The following AFF3 variants were observed in gnomAD, a reference collection of about 807,000 sequenced individuals.
AFF3 encodes the protein AF4/FMR2 family member 3.
In AFF3, 32 loss-of-function variants were observed where a neutral mutation model predicts 129.7. That is an observed-to-expected ratio of 0.25 (90% confidence interval 0.19 to 0.33). The LOEUF is 0.33. Ranked by LOEUF, AFF3 falls within the 10% of genes least tolerant of loss-of-function variation. The pLI is 1.00. For missense variants in AFF3, 1,373 were observed against 1,592.0 expected (o/e 0.86, Z 2.34); for synonymous variants, 644 against 635.4 (o/e 1.01, Z -0.20).
intron 7 of AFF3, among the ~76,000 whole-genome samples, chr2:99,841,586 C>T (rs148720730): frequency 1.3e-5 from 2 of 152,300 alleles, no homozygotes; most frequent in Non-Finnish European, 1.5e-5. Context: ...AAGAAGAGTA[C>T]CACATTGGTT....
chr2:99,865,518 G>A (rs988779776), intron 7 of AFF3, among the ~76,000 whole-genome samples: 1 of 152,154 alleles, frequency 6.6e-6, no homozygotes, highest in African/African-American at 2.4e-5. Flanking sequence ...GACCAACCCA[G>A]CAAAATGAAA....
At chr2:99,774,940 G>A (rs550346341) in intron 8 of AFF3, among the ~76,000 whole-genome samples, 16 of 152,188 alleles carry the variant, frequency 1.1e-4, no homozygotes, top group Admixed American at 2.0e-4. Context: ...CAAAGGACAT[G>A]AACAGACACT....
rs1685277569 is a variant in AFF3 at position 99,651,730 on chromosome 2, C to T, written c.1144-2064G>A. On this transcript the variant is annotated intron_variant, in intron 12 of 24. Coordinates refer to ENST00000672756, the MANE Select transcript of AFF3 (RefSeq NM_001386135.1). ...GTGTTGGGATTACAGGTGTGAGCCA[C>T]CACGCCTGGCCTATGTTTACTGTTG... 2.6e-5 allele frequency among the ~76,000 whole-genome samples: 4 copies of T among 152,088 alleles called. No homozygotes were observed. The South Asian group carries it at 6.2e-4, about 24-fold the overall frequency.
At chr2:99,602,353 T>C (rs1054794975) in intron 13 of AFF3, among the ~76,000 whole-genome samples, 4 of 152,236 alleles carry the variant, frequency 2.6e-5, no homozygotes, top group African/African-American at 7.2e-5. Context: ...CTGTGACTTA[T>C]AGGAACTGCA....
At chr2:99,862,752 A>G (rs2105921050) in intron 7 of AFF3, among the ~76,000 whole-genome samples, 1 of 152,382 alleles carries the variant, frequency 6.6e-6, no homozygotes, top group Non-Finnish European at 1.5e-5. Context: ...CACGAAGTGG[A>G]CCGAATGAGG....
intron 2 of AFF3, among the ~76,000 whole-genome samples, chr2:100,127,447 T>C (rs1321933422): frequency 6.6e-6 from 1 of 152,160 alleles, no homozygotes; most frequent in East Asian, 1.9e-4. Flanking sequence ...CTGCTTGGTG[T>C]CGGAGTCAGA....
intron 4 of AFF3, among the ~76,000 whole-genome samples, chr2:100,028,729 G>T (rs991902066): frequency 1.3e-4 from 20 of 151,966 alleles, no homozygotes; most frequent in African/African-American, 4.8e-4. Context: ...ATACCTATTA[G>T]GATGGCTACT....
chr2:99,627,730 T>C (rs1023615787), intron 13 of AFF3, among the ~76,000 whole-genome samples: 1 of 152,228 alleles, frequency 6.6e-6, no homozygotes, highest in East Asian at 1.9e-4. Flanking sequence ...CTTTAATCTA[T>C]CTCGAGTTGA....
At chr2:99,666,996 G>A (rs1686731445) in intron 12 of AFF3, among the ~76,000 whole-genome samples, 1 of 152,158 alleles carries the variant, frequency 6.6e-6, no homozygotes, top group Admixed American at 6.5e-5. Flanking sequence ...ATAGAGCAAT[G>A]AGACAGAAAG....
chr2:99,864,742 C>T (rs531330750), intron 7 of AFF3, among the ~76,000 whole-genome samples: 6 of 152,274 alleles, frequency 3.9e-5, no homozygotes, highest in African/African-American at 9.6e-5. Context: ...AGGGCTTCAT[C>T]GGGGAAAGAG....
At chr2:99,704,500 TC>T (rs1677175554) in intron 11 of AFF3, among the ~76,000 whole-genome samples, 1 of 152,128 alleles carries the variant, frequency 6.6e-6, no homozygotes, top group Non-Finnish European at 1.5e-5. Flanking sequence ...CAGGCTAGGC[TC>T]CCCTTGCCCA....
In AFF3 at chr2:99,817,392, GTCTA is replaced by G; in HGVS notation, c.921+20081_921+20084del. Reference sequence around the variant, plus strand: ...TCCAAGTCCTGCTTCTTCCTGACACGTCTATCTCTCTTCATATTTCAGACTGTTG... The same window carrying G: ...TCCAAGTCCTGCTTCTTCCTGACACGTCTCTCTTCATATTTCAGACTGTTG... On this transcript the variant is annotated intron_variant, in intron 8 of 24. Coordinates refer to ENST00000672756, the MANE Select transcript of AFF3 (RefSeq NM_001386135.1). Among the ~76,000 whole-genome samples the G allele has an allele frequency of 1.3e-5, 2 of 152,282 alleles. 1 individual carries two copies. The highest frequency in any genetic ancestry group is 6.8e-3 in the Middle Eastern group (2 of 294).
chr2:99,709,048 G>A (rs928288166), intron 11 of AFF3, among the ~76,000 whole-genome samples: 5 of 152,160 alleles, frequency 3.3e-5, no homozygotes, highest in African/African-American at 1.2e-4. Flanking sequence ...AGTACCAGAA[G>A]GAGAAACAAA....
chr2:99,733,335 G>A (rs1281253115), intron 10 of AFF3, among the ~76,000 whole-genome samples: 11 of 148,470 alleles, frequency 7.4e-5, no homozygotes, highest in Non-Finnish European at 1.2e-4. Context: ...AGCCAAGATC[G>A]CGCCACTGCA....
At chr2:99,646,631 T>C (rs974027661) in intron 13 of AFF3, among the ~76,000 whole-genome samples, 4 of 152,084 alleles carry the variant, frequency 2.6e-5, no homozygotes, top group African/African-American at 9.7e-5. Flanking sequence ...CCTGGGGAGA[T>C]CTTTACTCAA....
At chr2:99,872,704 A>T (rs181280396) in intron 7 of AFF3, among the ~76,000 whole-genome samples, 5 of 152,298 alleles carry the variant, frequency 3.3e-5, no homozygotes, top group Non-Finnish European at 5.9e-5. Flanking sequence ...TAATTTTTTA[A>T]CATCATGCAT....
chr2:100,111,079 AG>A (rs1263681869), intron 2 of AFF3, among the ~76,000 whole-genome samples: 1 of 152,236 alleles, frequency 6.6e-6, no homozygotes, highest in Non-Finnish European at 1.5e-5. Flanking sequence ...TGAAGTTAAA[AG>A]GAGGCTAGGT....
chr2:99,886,367 A>G (rs1265942084), intron 7 of AFF3, among the ~76,000 whole-genome samples: 1 of 151,796 alleles, frequency 6.6e-6, no homozygotes, highest in Non-Finnish European at 1.5e-5. Flanking sequence ...CAACATACAC[A>G]TGCCCCAAGA....
intron 2 of AFF3, among the ~76,000 whole-genome samples, chr2:100,126,297 G>C (rs769968153): frequency 3.9e-5 from 6 of 152,190 alleles, no homozygotes; most frequent in Non-Finnish European, 8.8e-5. Flanking sequence ...TGTTCTGTTC[G>C]AGAAGCCAGA....
Sources: allele counts gnomAD v4.1 joint callset (sites outside exome capture counted in the v4.1 genomes callset), GRCh38; gene constraint gnomAD v4.1.1; transcripts MANE v1.5; gene names NCBI Gene and HGNC (gene_info 2026-07-23, HGNC 2026-07-21).